THBS2: variants seen among roughly 807,000 people sequenced by gnomAD.
THBS2 encodes thrombospondin-2.
In THBS2, 47 loss-of-function variants were observed where a neutral mutation model predicts 135.2. The ratio of observed to expected loss-of-function variants is 0.35; its 90% confidence interval spans 0.28 to 0.44. The LOEUF is 0.44. Among genes scored for constraint, THBS2 ranks in the 20% least tolerant of loss-of-function variants. The pLI is 1.00. For synonymous variants in THBS2, 639 were observed against 633.8 expected, an observed-to-expected ratio of 1.01 and a Z score of -0.12; for missense variants, 1,288 against 1,603.1, an observed-to-expected ratio of 0.80 and a Z score of 3.36.
intron 13 of THBS2, among the ~76,000 whole-genome samples, chr6:169,229,906 GA>G (rs1779775969): frequency 1.3e-5 from 2 of 152,146 alleles, no homozygotes; most frequent in African/African-American, 4.8e-5. Context: ...GGAGACAAAA[GA>G]AACTTGTGTT....
Position 169,217,761 on chromosome 6 carries a change from A to T in THBS2, c.*61T>A. On this transcript the variant is annotated 3_prime_UTR_variant, in exon 22 of 22. Transcript: ENST00000617924. ...AGAGAAGCCACAAGGACCACAATGA[A>T]CTGAGGTGTCTAGGGACCATGGCAT... The T allele has an allele frequency of 6.3e-7, 1 of 1,587,286 alleles. No individual in the cohort carries two copies. Among genetic ancestry groups the T allele is most frequent in the Non-Finnish European group, 8.6e-7 (1 of 1,162,756 alleles).
intron 9 of THBS2, among the ~76,000 whole-genome samples, chr6:169,236,242 TC>T (rs1780056771): frequency 3.2e-5 from 3 of 94,476 alleles, no homozygotes; most frequent in East Asian, 3.0e-4. Context: ...CCACACTCAC[TC>T]CCCATCCACA....
Position 169,232,058 on chromosome 6 carries a change from G to A in THBS2, c.2073C>T (p.Cys691=), listed in dbSNP as rs142730644. 374 of 1,613,926 alleles carry A rather than the reference G, an allele frequency of 2.3e-4. No individual in the cohort carries two copies. Among genetic ancestry groups the A allele is most frequent in the Middle Eastern group, 1.6e-4 (1 of 6,082 alleles). The change falls in exon 13 of 22, where the codon TGC becomes TGT. Residue 691 remains cysteine (C), a synonymous_variant. Transcript: ENST00000617924. ...AGCCGTCCAGGTCCGAGTCCTCCCC[G>A]CAGATGAGCCCGTCGCCCGCGTAGC... ...QTGYAGDGLI[C]GEDSDLDGWP...
intron 13 of THBS2, 134 bp downstream of exon 13, chr6:169,231,846 C>T (rs1489171302): frequency 1.1e-6 from 1 of 898,682 alleles, no homozygotes. Flanking sequence ...ACCTGGTGAT[C>T]AGGCAAGAGG....
chr6:169,234,915 G>A lies in THBS2; in HGVS notation c.1478-8C>T, dbSNP rs9406328. 0.36 allele frequency: 576,464 copies of A among 1,598,004 alleles called. 107,259 individuals carry two copies. The highest frequency in any genetic ancestry group is 0.54 in the East Asian group (23,822 of 44,466). On this transcript the variant is annotated splice_polypyrimidine_tract_variant and splice_region_variant and intron_variant, in intron 9 of 21. Coordinates refer to ENST00000617924, the MANE Select transcript of THBS2 (RefSeq NM_003247.5). Reference sequence around the variant, plus strand: ...GGCTCCAGCGGCCATCGACTGCGGGGAAAGCCAACCAGGGGGAGCTCAGAG... The same window carrying A: ...GGCTCCAGCGGCCATCGACTGCGGGAAAAGCCAACCAGGGGGAGCTCAGAG...
At chr6:169,220,478 T>A in intron 20 of THBS2, 141 bp from the exon 21 acceptor site, 1 of 1,088,398 alleles carries the variant, frequency 9.2e-7, no homozygotes, top group Non-Finnish European at 1.3e-6. Flanking sequence ...GGGGCATTGC[T>A]GGCTTTCTCC....
intron 14 of THBS2, among the ~76,000 whole-genome samples, chr6:169,228,557 G>A (rs1025994866): frequency 5.9e-5 from 9 of 151,804 alleles, no homozygotes; most frequent in East Asian, 1.9e-4. Context: ...TGAGGCGGGC[G>A]GATCACCTGA....
At position 169,241,152 on chromosome 6, in the gene THBS2, A is replaced by T. The variant is rs1278074024; in HGVS notation, c.892-560T>A. 1.3e-5 allele frequency among the ~76,000 whole-genome samples: 2 copies of T among 151,738 alleles called. No individual in the cohort carries two copies. Among genetic ancestry groups the T allele is most frequent in the Non-Finnish European group, 2.9e-5 (2 of 67,930 alleles). On this transcript the variant is annotated intron_variant, in intron 5 of 21. Transcript: ENST00000617924. This position sits in a 1 kb window ranked among gnomAD's most constrained non-coding sequence, Gnocchi z 5.5. The stretch of plus-strand genomic sequence containing the variant: ...CCTCTGGGTACGAGTGACAGTCAGC[A>T]TCACTGCACCCTGGTTAGCCATGTG...
In THBS2 at chr6:169,247,352, C is replaced by T. The variant is rs117422737; in HGVS notation, c.609+1065G>A. Among the ~76,000 whole-genome samples the T allele has an allele frequency of 2.1e-3, 314 of 152,170 alleles. 1 individual carries two copies. Among genetic ancestry groups the T allele is most frequent in the Middle Eastern group, 3.4e-3 (1 of 294 alleles). On this transcript the variant is annotated intron_variant, in intron 3 of 21. Transcript: ENST00000617924. ...TGGCTCTGCATGCATTGTGTGTGCA[C>T]GTGTGCCTGTTTGTATACACATGTG...
At chr6:169,218,871 G>GTGGATGGA (rs1432163064) in intron 21 of THBS2, among the ~76,000 whole-genome samples, 1 of 150,448 alleles carries the variant, frequency 6.6e-6, no homozygotes, top group Non-Finnish European at 1.5e-5. Flanking sequence ...TAAGTGCTGG[G>GTGGATGGA]TGGATGGATG....
At chr6:169,223,131 G>A (rs565463803) in intron 18 of THBS2, 117 bp downstream of exon 18, 15 of 911,332 alleles carry the variant, frequency 1.6e-5, no homozygotes, top group African/African-American at 1.5e-4. Flanking sequence ...AAGGATGGGG[G>A]CTTCCAGAAA....
At chr6:169,246,443 T>A (rs1326230984) in intron 3 of THBS2, among the ~76,000 whole-genome samples, 162 bp from the exon 4 acceptor site, 3 of 152,200 alleles carry the variant, frequency 2.0e-5, no homozygotes, top group African/African-American at 7.2e-5. Context: ...AGTTTTTCTG[T>A]ATATAGTACT....
Position 169,217,732 on chromosome 6 carries a change from A to C in THBS2, c.*90T>G. On this transcript the variant is annotated 3_prime_UTR_variant, in exon 22 of 22. Transcript: ENST00000617924. ...AGGTCAAGGGACAGGAGGTGCTGCT[A>C]GAGAGAGAAGCCACAAGGACCACAA... 2 of 1,445,364 alleles carry C rather than the reference A, an allele frequency of 1.4e-6. No homozygotes were observed. Among genetic ancestry groups the C allele is most frequent in the Non-Finnish European group, 1.9e-6 (2 of 1,049,296 alleles). 89.5% of individuals were successfully genotyped at this position (1,445,364 alleles called of 1,614,324 possible).
chr6:169,232,239 G>T, intron 12 of THBS2, 41 bp from the exon 13 acceptor site: 2 of 1,604,710 alleles, frequency 1.2e-6, no homozygotes, highest in Middle Eastern at 1.7e-4. Flanking sequence ...CAGGCAGGAC[G>T]ATGGCTCCGG....
At position 169,242,419 on chromosome 6, in the gene THBS2, A is replaced by T. The variant is rs374575071; in HGVS notation, c.695-461T>A. 3.3e-5 allele frequency among the ~76,000 whole-genome samples: 5 copies of T among 151,184 alleles called. 1 individual carries two copies. The South Asian group carries it at 6.3e-4, about 19-fold the overall frequency. The stretch of plus-strand genomic sequence containing the variant: ...TTCTGACGGCTCCTCTCGACTCTTC[A>T]TCCTTTTTTTTTCATCCCCAAACAC... On this transcript the variant is annotated intron_variant, in intron 4 of 21. Coordinates refer to ENST00000617924, the MANE Select transcript of THBS2 (RefSeq NM_003247.5).
At chr6:169,234,558 T>C in intron 10 of THBS2, 176 bp downstream of exon 10, 5 of 713,554 alleles carry the variant, frequency 7.0e-6, no homozygotes, top group Admixed American at 3.8e-5. Context: ...TTTTTTGTTT[T>C]TACATTAGAA....
intron 2 of THBS2, among the ~76,000 whole-genome samples, chr6:169,250,171 T>C (rs567350235): frequency 1.3e-5 from 2 of 152,358 alleles, no homozygotes; most frequent in Admixed American, 1.3e-4. Flanking sequence ...ATAGAGTTAC[T>C]TGGCAAGAAT....
intron 9 of THBS2, among the ~76,000 whole-genome samples, chr6:169,235,856 T>C: frequency 1.2e-5 from 1 of 80,422 alleles, no homozygotes; most frequent in Non-Finnish European, 2.4e-5. Context: ...CCACACTCAC[T>C]CCCCTATCCA....
At chr6:169,223,119 G>A in intron 18 of THBS2, 129 bp downstream of exon 18, 1 of 822,988 alleles carries the variant, frequency 1.2e-6, no homozygotes, top group East Asian at 2.7e-5. Flanking sequence ...CACAGACCAT[G>A]GAAGGATGGG....
Sources: allele counts gnomAD v4.1 joint callset (sites outside exome capture counted in the v4.1 genomes callset), GRCh38; gene constraint gnomAD v4.1.1; non-coding constraint Gnocchi (gnomAD v3.1); transcripts MANE v1.5; gene names NCBI Gene and HGNC (gene_info 2026-07-23, HGNC 2026-07-21).